Variants in THSD4 observed in about 807,000 individuals in gnomAD.
THSD4 encodes the protein thrombospondin type 1 domain containing 4.
In THSD4, 69 loss-of-function variants were observed where a neutral mutation model predicts 119.0. That is an observed-to-expected ratio of 0.58 (90% CI 0.48 to 0.71). The LOEUF is 0.71. Ranked by LOEUF, THSD4 falls within the 30% of genes least tolerant of loss-of-function variation. The probability of loss-of-function intolerance (pLI) is 0.00; values close to 1 mark genes in which losing one functional copy is unlikely to be tolerated. For missense variants in THSD4, 1,393 were observed against 1,391.1 expected (o/e 1.00, Z -0.02); for synonymous variants, 524 against 540.4 (o/e 0.97, Z 0.42).
At chr15:71,699,324 T>C (rs1278670970) in intron 8 of THSD4, among the ~76,000 whole-genome samples, 1 of 93,792 alleles carries the variant, frequency 1.1e-5, no homozygotes, top group African/African-American at 5.4e-5. Flanking sequence ...GCCATTCTCC[T>C]GCCTCAGCCT....
chr15:71,211,316 C>T (rs565410215), intron 3 of THSD4, among the ~76,000 whole-genome samples: 1 of 152,216 alleles, frequency 6.6e-6, no homozygotes, highest in Admixed American at 6.5e-5. Context: ...ATTTATTTCT[C>T]ATAGTTCTGG....
chr15:71,372,977 C>T (rs893910919), intron 6 of THSD4, among the ~76,000 whole-genome samples: 6 of 152,230 alleles, frequency 3.9e-5, no homozygotes, highest in Non-Finnish European at 5.9e-5. Flanking sequence ...TCAGCAATGG[C>T]GGGCGCCCCT....
At chr15:71,168,707 G>A (rs189457455) in intron 3 of THSD4, among the ~76,000 whole-genome samples, 3 of 152,312 alleles carry the variant, frequency 2.0e-5, no homozygotes, top group Admixed American at 2.0e-4. Context: ...TAATGCGGTA[G>A]GATGTGCAAC....
intron 7 of THSD4, among the ~76,000 whole-genome samples, chr15:71,454,938 T>C (rs2047317031): frequency 6.6e-6 from 1 of 152,232 alleles, no homozygotes; most frequent in Non-Finnish European, 1.5e-5. Flanking sequence ...GCCAGAAGCC[T>C]GTGGGACCCC....
rs192651774 is a variant in THSD4, at chr15:71,731,291, C to G, written c.1630+74C>G. On this transcript the variant is annotated intron_variant, in intron 10 of 17. Coordinates refer to ENST00000261862, the MANE Select transcript of THSD4 (RefSeq NM_024817.3). Reference sequence around the variant, plus strand: ...AGCCTTCTCTCTCTCAATTCTTGTGCATCCACCCTCTGTCTCTCGGTCAAC... The same window carrying G: ...AGCCTTCTCTCTCTCAATTCTTGTGGATCCACCCTCTGTCTCTCGGTCAAC... 5.7e-6 allele frequency: 8 copies of G among 1,399,512 alleles called. No individual in the cohort carries two copies. The Admixed American group carries it at 1.4e-4, about 24-fold the overall frequency. 86.7% of individuals were successfully genotyped at this position (1,399,512 alleles called of 1,614,324 possible).
chr15:71,184,413 C>A (rs550654609), intron 3 of THSD4, among the ~76,000 whole-genome samples: 1 of 151,846 alleles, frequency 6.6e-6, no homozygotes, highest in East Asian at 1.9e-4. Flanking sequence ...GTTCTCCATG[C>A]CCCGTGCCCT....
chr15:71,534,753 C>A lies in THSD4; in HGVS notation c.1152+122930C>A, dbSNP rs1426050970. ...CAGCACTTTGGTAGGCCAAGGCGGG[C>A]GGATCACCTGAGTTCAGGAGTTCGA... On this transcript the variant is annotated intron_variant, in intron 7 of 17. Coordinates refer to ENST00000261862, the MANE Select transcript of THSD4 (RefSeq NM_024817.3). Among the ~76,000 whole-genome samples the A allele has an allele frequency of 2.6e-5, 4 of 152,130 alleles. 1 individual carries two copies. Among genetic ancestry groups the A allele is most frequent in the Admixed American group, 2.6e-4 (4 of 15,274 alleles).
rs58462444 is a variant in THSD4, at chr15:71,240,798, TACACACACACACACAC to T, written c.465-1825_465-1810del. 6.6e-3 allele frequency among the ~76,000 whole-genome samples: 955 copies of T among 145,608 alleles called. 7 individuals carry two copies. Among genetic ancestry groups the T allele is most frequent in the African/African-American group, 0.023 (902 of 39,522 alleles). ...TATCCAAGTTTTATATATATGTGTA[TACACACACACACACAC>T]ACACACACACACACACACACACACA... On this transcript the variant is annotated intron_variant, in intron 4 of 17. Coordinates refer to ENST00000261862, the MANE Select transcript of THSD4 (RefSeq NM_024817.3).
chr15:71,458,903 C>A (rs1307035013), intron 7 of THSD4, among the ~76,000 whole-genome samples: 2 of 152,156 alleles, frequency 1.3e-5, no homozygotes, highest in Non-Finnish European at 2.9e-5. Context: ...CCTTTAAAAA[C>A]CTTGACTCTG....
At chr15:71,448,119 C>T (rs1433600746) in intron 7 of THSD4, among the ~76,000 whole-genome samples, 1 of 152,176 alleles carries the variant, frequency 6.6e-6, no homozygotes, top group African/African-American at 2.4e-5. Context: ...AGAAGATTTA[C>T]TCTATTTCTT....
chr15:71,653,119 G>A (rs765757282), intron 7 of THSD4, among the ~76,000 whole-genome samples: 4 of 152,132 alleles, frequency 2.6e-5, no homozygotes, highest in African/African-American at 4.8e-5. Context: ...TTCAACAAAC[G>A]CTTATTAAAC....
chr15:71,613,151 A>G (rs999399736), intron 7 of THSD4, among the ~76,000 whole-genome samples: 1 of 152,186 alleles, frequency 6.6e-6, no homozygotes, highest in Non-Finnish European at 1.5e-5. Flanking sequence ...GCCTCTCCCA[A>G]AGCATGTTTC....
chr15:71,116,374 GAAGTT>G (rs2040362722), intron 1 of THSD4, among the ~76,000 whole-genome samples: 1 of 152,244 alleles, frequency 6.6e-6, no homozygotes, highest in Non-Finnish European at 1.5e-5. Flanking sequence ...TACAGATCTG[GAAGTT>G]AAGTTTTCTT....
intron 8 of THSD4, among the ~76,000 whole-genome samples, chr15:71,676,636 C>T (rs962614829): frequency 6.6e-6 from 1 of 152,102 alleles, no homozygotes; most frequent in Non-Finnish European, 1.5e-5. Flanking sequence ...CCCCTTCTTT[C>T]CCCGTCCTCC....
At chr15:71,204,944 G>A (rs1316217983) in intron 3 of THSD4, among the ~76,000 whole-genome samples, 2 of 152,114 alleles carry the variant, frequency 1.3e-5, no homozygotes, top group Non-Finnish European at 2.9e-5. Flanking sequence ...AGAGCATTTG[G>A]GGGCTAAGGA....
At chr15:71,488,537 T>C (rs2047859626) in intron 7 of THSD4, among the ~76,000 whole-genome samples, 1 of 24,508 alleles carries the variant, frequency 4.1e-5, no homozygotes, top group South Asian at 1.2e-3. Context: ...TCATACTTCT[T>C]AGAAGATGAG....
intron 7 of THSD4, among the ~76,000 whole-genome samples, chr15:71,644,347 G>A (rs963451110): frequency 2.0e-5 from 3 of 152,114 alleles, no homozygotes; most frequent in African/African-American, 4.8e-5. Context: ...AATCTGTTAC[G>A]AAATGAAATT....
chr15:71,328,046 C>T (rs115474019), intron 6 of THSD4, among the ~76,000 whole-genome samples: 4 of 152,292 alleles, frequency 2.6e-5, no homozygotes, highest in African/African-American at 9.6e-5. Context: ...TACAATAGGC[C>T]GTGTCCTCCT....
chr15:71,442,658 G>GTGTATGTA (rs1347437312), intron 7 of THSD4, among the ~76,000 whole-genome samples: 9 of 31,344 alleles, frequency 2.9e-4, no homozygotes, highest in South Asian at 1.5e-3. Flanking sequence ...GTGTGTGTGT[G>GTGTATGTA]TGTATATATA....
Sources: allele counts gnomAD v4.1 joint callset (sites outside exome capture counted in the v4.1 genomes callset), GRCh38; gene constraint gnomAD v4.1.1; transcripts MANE v1.5; gene names NCBI Gene and HGNC (gene_info 2026-07-23, HGNC 2026-07-21).